Variants in SCGN observed in about 807,000 individuals in gnomAD.
The protein encoded by SCGN is secretagogin.
In SCGN, 30 loss-of-function variants were observed where a neutral mutation model predicts 39.7. That is an observed-to-expected ratio of 0.76 (90% CI 0.57 to 1.03). The LOEUF (loss-of-function observed/expected upper bound fraction) is 1.03, where lower values mean the gene tolerates loss of function less well. Among genes scored for constraint, SCGN ranks in the 50% least tolerant of loss-of-function variants. The pLI, the probability that SCGN is intolerant of heterozygous loss-of-function variation, is 0.00. For synonymous variants in SCGN, 106 were observed against 114.1 expected (o/e 0.93, Z 0.45); for missense variants, 353 against 349.4 (o/e 1.01, Z -0.08).
Position 25,701,391 on chromosome 6 carries a change from A to C in SCGN, c.*56A>C. 1 of 1,583,466 alleles carries C rather than the reference A, an allele frequency of 6.3e-7. No homozygotes were observed. Among genetic ancestry groups the C allele is most frequent in the Non-Finnish European group, 8.6e-7 (1 of 1,164,832 alleles). On this transcript the variant is annotated 3_prime_UTR_variant, in exon 11 of 11. Coordinates refer to ENST00000377961, the MANE Select transcript of SCGN (RefSeq NM_006998.4). ...ATGTTTCTGTGATCTTGCTGGTAGA[A>C]TTGTATCTGTGCATTGATGTTGGGA...
rs141263262 is a variant in SCGN, at chr6:25,659,744, T to C, written c.154-1808T>C. Among the ~76,000 whole-genome samples the C allele has an allele frequency of 3.5e-3, 536 of 152,346 alleles. 6 individuals carry two copies. The highest frequency in any genetic ancestry group is 0.024 in the Middle Eastern group (7 of 294). ...TACTCACTGGAAAACATTTGCCATA[T>C]GCTGTCTTCCCTGGGTTTTATGCCT... is the stretch of plus-strand genomic sequence containing the variant. On this transcript the variant is annotated intron_variant, in intron 2 of 10. Coordinates refer to ENST00000377961, the MANE Select transcript of SCGN (RefSeq NM_006998.4).
intron 2 of SCGN, among the ~76,000 whole-genome samples, chr6:25,658,446 A>G (rs906605183): frequency 1.3e-5 from 2 of 151,980 alleles, no homozygotes; most frequent in African/African-American, 4.8e-5. Flanking sequence ...AAGTCCTCTT[A>G]TTTTAATCAT....
At chr6:25,685,032 G>A (rs1035524179) in intron 7 of SCGN, among the ~76,000 whole-genome samples, 1 of 152,146 alleles carries the variant, frequency 6.6e-6, no homozygotes, top group Non-Finnish European at 1.5e-5. Context: ...GTCACGGAGA[G>A]ATTTGAAAAT....
chr6:25,672,690 A>G (rs905454334), intron 6 of SCGN, among the ~76,000 whole-genome samples: 1 of 152,122 alleles, frequency 6.6e-6, no homozygotes, highest in African/African-American at 2.4e-5. Context: ...TTTTAGTGAG[A>G]TGGAAAACGG....
intron 4 of SCGN, among the ~76,000 whole-genome samples, chr6:25,667,687 C>A (rs896112235): frequency 3.3e-5 from 5 of 152,132 alleles, no homozygotes; most frequent in African/African-American, 1.2e-4. Flanking sequence ...GTTCCTTCTT[C>A]TTCCTAGAGT....
At chr6:25,693,595 C>T (rs949353121) in intron 10 of SCGN, among the ~76,000 whole-genome samples, 1 of 151,766 alleles carries the variant, frequency 6.6e-6, no homozygotes, top group Non-Finnish European at 1.5e-5. Context: ...TTGGATAATC[C>T]TGTCTAAAAC....
chr6:25,670,113 T>TC, intron 6 of SCGN, 37 bp downstream of exon 6: 2 of 1,380,646 alleles, frequency 1.4e-6, no homozygotes, highest in Non-Finnish European at 2.1e-6. Context: ...TGAGGGCAGC[T>TC]CCCCCACTCC....
intron 9 of SCGN, among the ~76,000 whole-genome samples, 199 bp from the exon 10 acceptor site, chr6:25,690,857 A>C (rs1198483834): frequency 6.6e-6 from 1 of 152,250 alleles, no homozygotes; most frequent in African/African-American, 2.4e-5. Context: ...ATTTGGTTAC[A>C]TGGAGCTGTT....
chr6:25,662,661 T>C (rs1389082808), intron 3 of SCGN, among the ~76,000 whole-genome samples: 7 of 152,242 alleles, frequency 4.6e-5, no homozygotes, highest in Non-Finnish European at 8.8e-5. Context: ...AGTGGGCGTG[T>C]TCACCAGGAG....
intron 1 of SCGN, among the ~76,000 whole-genome samples, 181 bp from the exon 2 acceptor site, chr6:25,653,201 C>G (rs1348793447): frequency 6.6e-6 from 1 of 152,166 alleles, no homozygotes; most frequent in Non-Finnish European, 1.5e-5. Context: ...TATTCTGGAA[C>G]AGTGTTTACT....
chr6:25,656,882 G>C (rs965448959), intron 2 of SCGN, among the ~76,000 whole-genome samples: 2 of 152,158 alleles, frequency 1.3e-5, no homozygotes, highest in African/African-American at 4.8e-5. Context: ...ACCTATGTTA[G>C]TTAACTTCCT....
chr6:25,684,942 A>T (rs927457328), intron 7 of SCGN, among the ~76,000 whole-genome samples: 1 of 152,208 alleles, frequency 6.6e-6, no homozygotes, highest in Non-Finnish European at 1.5e-5. Flanking sequence ...TAAAATAGAG[A>T]TTATTCTGGA....
At chr6:25,686,928 C>T (rs556835607) in intron 7 of SCGN, among the ~76,000 whole-genome samples, 26 of 152,072 alleles carry the variant, frequency 1.7e-4, no homozygotes, top group Non-Finnish European at 3.5e-4. Flanking sequence ...ATCTACTTGT[C>T]CCAACACCAT....
In SCGN at chr6:25,684,400, A is replaced by G. The variant is rs187510516; in HGVS notation, c.527+2394A>G. ...AATCCTCGGATGTTCAAGTCCCACA[A>G]TTGGCCCTGAAGAACCCACAGATAG... On this transcript the variant is annotated intron_variant, in intron 7 of 10. Transcript: ENST00000377961. 2.1e-3 allele frequency among the ~76,000 whole-genome samples: 327 copies of G among 152,286 alleles called. 2 individuals are homozygous for G. Among genetic ancestry groups the G allele is most frequent in the African/African-American group, 7.0e-3 (291 of 41,550 alleles).
At position 25,653,547 on chromosome 6, in the gene SCGN, C is replaced by T. The variant is rs568666955; in HGVS notation, c.153+95C>T. The T allele has an allele frequency of 9.2e-6, 8 of 866,056 alleles. No homozygotes were observed. In the South Asian group the frequency reaches 1.1e-4, roughly 12 times the overall value. The allele number at this position is 866,056 out of a possible 1,614,324, so 53.6% of individuals were successfully genotyped here. A position where few individuals can be genotyped will look rare whatever the true frequency, so the allele number is the denominator to read the frequency against. ...ATTGGTACCTATTAATTCCAACTCACCTCCTTTCTTCCTTGCATGTATGTA... is the reference window on the plus strand; with the variant it reads ...ATTGGTACCTATTAATTCCAACTCATCTCCTTTCTTCCTTGCATGTATGTA... On this transcript the variant is annotated intron_variant, in intron 2 of 10. Transcript: ENST00000377961.
chr6:25,697,967 A>G (rs1759858937), intron 10 of SCGN, among the ~76,000 whole-genome samples: 1 of 152,232 alleles, frequency 6.6e-6, no homozygotes, highest in South Asian at 2.1e-4. Flanking sequence ...TCTATAAATT[A>G]ATGATGAAAG....
intron 7 of SCGN, among the ~76,000 whole-genome samples, chr6:25,686,566 T>C (rs1444518986): frequency 1.3e-5 from 2 of 152,234 alleles, no homozygotes; most frequent in Non-Finnish European, 2.9e-5. Context: ...GTTGTTGAAC[T>C]ATAAGAGTCC....
At chr6:25,659,121 AG>A (rs1308818538) in intron 2 of SCGN, among the ~76,000 whole-genome samples, 6 of 152,226 alleles carry the variant, frequency 3.9e-5, no homozygotes, top group Non-Finnish European at 7.3e-5. Flanking sequence ...CATAATGCCC[AG>A]GAACTTCCCT....
At chr6:25,680,235 G>A (rs1446725917) in intron 6 of SCGN, among the ~76,000 whole-genome samples, 1 of 152,104 alleles carries the variant, frequency 6.6e-6, no homozygotes, top group East Asian at 1.9e-4. Context: ...ATGTCTTAAT[G>A]TCACACAAGA....
Sources: gnomAD v4.1 joint callset for allele counts (sites outside exome capture counted in the v4.1 genomes callset) on GRCh38, gnomAD v4.1.1 for gene constraint, MANE v1.5 for transcripts, NCBI Gene and HGNC (gene_info 2026-07-23, HGNC 2026-07-21) for gene names.